GARIN3: variants seen among roughly 807,000 people sequenced by gnomAD.
GARIN3 encodes golgi associated RAB2 interactor family member 3.
chr5:157,162,656 A>G, the GARIN3 span: 2 of 1,614,198 alleles, frequency 1.2e-6, no homozygotes, highest in Non-Finnish European at 1.7e-6. Context: ...CTCCTTAAAA[A>G]AGAGCTGATC....
At chr5:157,165,849 T>G in the GARIN3 span, 2 of 1,614,144 alleles carry the variant, frequency 1.2e-6, no homozygotes, top group African/African-American at 1.3e-5. Context: ...ACCTCTCCCC[T>G]TGGCAAACCG....
At chr5:157,165,523 A>G in the GARIN3 span, 1 of 1,559,376 alleles carries the variant, frequency 6.4e-7, no homozygotes, top group African/African-American at 1.4e-5. Flanking sequence ...TGCTCCCCCA[A>G]AGAACCTGCC....
At chr5:157,165,904 G>A in the GARIN3 span, 2 of 1,614,206 alleles carry the variant, frequency 1.2e-6, no homozygotes, top group Middle Eastern at 1.6e-4. Flanking sequence ...GGTTGGGCCA[G>A]AACCATGACG....
chr5:157,166,085 C>G, the GARIN3 span: 9 of 1,614,214 alleles, frequency 5.6e-6, no homozygotes, highest in Non-Finnish European at 7.6e-6. Context: ...ATTGTCGTTG[C>G]AGGTCCCCCA....
chr5:157,162,628 C>A, the GARIN3 span: 10 of 1,614,178 alleles, frequency 6.2e-6, no homozygotes, highest in African/African-American at 1.3e-5. Flanking sequence ...TGTTTTTGAA[C>A]CAGGAGTGGC....
At chr5:157,166,193 CA>C in the GARIN3 span, 2 of 1,586,450 alleles carry the variant, frequency 1.3e-6, no homozygotes, top group East Asian at 4.5e-5. Context: ...AAGACAGCTC[CA>C]CCAGCCACAA....
At chr5:157,163,016 C>G in the GARIN3 span, 1 of 1,614,234 alleles carries the variant, frequency 6.2e-7, no homozygotes, top group Non-Finnish European at 8.5e-7. Flanking sequence ...GGCTGGGAAA[C>G]TTTCTGGCTT....
the GARIN3 span, chr5:157,165,751 G>C: frequency 1.2e-6 from 2 of 1,614,180 alleles, no homozygotes; most frequent in Non-Finnish European, 1.7e-6. Flanking sequence ...TTCAGGCGCA[G>C]CTGCTGTTTC....
chr5:157,164,638 G>T, the GARIN3 span, among the ~76,000 whole-genome samples: 3 of 152,128 alleles, frequency 2.0e-5, no homozygotes, highest in Non-Finnish European at 2.9e-5. Flanking sequence ...AAGTGGGATT[G>T]CACAGTCAAG....
the GARIN3 span, chr5:157,163,695 T>C: frequency 6.3e-7 from 1 of 1,584,948 alleles, no homozygotes; most frequent in East Asian, 2.2e-5. Context: ...GAGATTGAGA[T>C]GACTGAAAGG....
At chr5:157,163,663 A>G in the GARIN3 span, 3 of 1,607,492 alleles carry the variant, frequency 1.9e-6, no homozygotes, top group Non-Finnish European at 1.7e-6. Flanking sequence ...TGCAGCCTAT[A>G]CCAAGGGGAA....
the GARIN3 span, chr5:157,165,827 G>C: frequency 6.2e-7 from 1 of 1,614,118 alleles, no homozygotes; most frequent in Admixed American, 1.7e-5. Context: ...CTAGAGTCTT[G>C]ACGGGCCTGC....
chr5:157,163,210 G>T, the GARIN3 span: 1 of 1,614,084 alleles, frequency 6.2e-7, no homozygotes. Flanking sequence ...ACCTTCCAAG[G>T]AGGTGCTTGC....
the GARIN3 span, chr5:157,162,883 T>A: frequency 6.2e-7 from 1 of 1,614,184 alleles, no homozygotes; most frequent in East Asian, 2.2e-5. Context: ...CGCTTTCTGA[T>A]TCTTGTCCCC....
the GARIN3 span, chr5:157,165,764 A>G: frequency 2.5e-6 from 4 of 1,613,888 alleles, no homozygotes; most frequent in Non-Finnish European, 3.4e-6. Context: ...GCTGTTTCTC[A>G]TGATCGTGGA....
the GARIN3 span, chr5:157,163,271 C>G: frequency 6.2e-7 from 1 of 1,614,214 alleles, no homozygotes; most frequent in Non-Finnish European, 8.5e-7. Context: ...TTGGCAGCAC[C>G]TGCCATGGAC....
At chr5:157,165,598 C>A in the GARIN3 span, 3 of 1,613,608 alleles carry the variant, frequency 1.9e-6, no homozygotes, top group Admixed American at 5.0e-5. Flanking sequence ...GGTGCGTCCC[C>A]AGATAGAAGT....
chr5:157,165,732 G>C, the GARIN3 span: 1 of 1,614,194 alleles, frequency 6.2e-7, no homozygotes, highest in South Asian at 1.1e-5. Flanking sequence ...AGTACGGCCA[G>C]TGGCGAGTTT....
chr5:157,165,417 G>A, the GARIN3 span: 2 of 1,280,826 alleles, frequency 1.6e-6, no homozygotes, highest in African/African-American at 3.0e-5. Flanking sequence ...AAGTCCCCTA[G>A]TAGTGGCTCA....
Sources: gnomAD v4.1 joint callset for allele counts (sites outside exome capture counted in the v4.1 genomes callset) on GRCh38, gnomAD v4.1.1 for gene constraint, MANE v1.5 for transcripts, NCBI Gene and HGNC (gene_info 2026-07-23, HGNC 2026-07-21) for gene names.